TBC1D4: variants seen among roughly 807,000 people sequenced by gnomAD.
The protein encoded by TBC1D4 is TBC (Tre-2, BUB2, CDC16) domain-containing protein.
A neutral mutation model predicts 142.5 loss-of-function variants in TBC1D4; 121 were observed. That is an observed-to-expected ratio of 0.85 (90% CI 0.73 to 0.99). The LOEUF is 0.99. Ranked by LOEUF, TBC1D4 falls within the 50% of genes least tolerant of loss-of-function variation. TBC1D4 has a pLI of 0.00. For missense variants in TBC1D4, 1,475 were observed against 1,606.6 expected (o/e 0.92, Z 1.40); for synonymous variants, 630 against 628.2 (o/e 1.00, Z -0.04).
intron 1 of TBC1D4, among the ~76,000 whole-genome samples, chr13:75,413,622 G>A (rs886432816): frequency 5.9e-5 from 9 of 152,080 alleles, no homozygotes; most frequent in African/African-American, 2.2e-4. Flanking sequence ...GATAAACCTA[G>A]GACCACACCT....
rs1229210817 is a variant in TBC1D4 at position 75,481,348 on chromosome 13, G to A, written c.420C>T (p.Ala140=). The change falls in exon 1 of 21, where the codon GCC becomes GCT. Residue 140 remains alanine (A), a synonymous_variant. Coordinates refer to ENST00000377636, the MANE Select transcript of TBC1D4 (RefSeq NM_014832.5). ...CGTCGGGCTGCGCCTTGATCAGGTA[G>A]GCAAAGTAGGTGAGGTCGTGGCTGT... ...IHNSHDLTYF[A]YLIKAQPDDP... 4 of 1,613,838 alleles carry A rather than the reference G, an allele frequency of 2.5e-6. No homozygotes were observed. In the East Asian group the frequency reaches 8.9e-5, roughly 36 times the overall value.
At chr13:75,477,773 A>G (rs1888678850) in intron 1 of TBC1D4, among the ~76,000 whole-genome samples, 1 of 152,214 alleles carries the variant, frequency 6.6e-6, no homozygotes, top group Admixed American at 6.5e-5. Context: ...TGTTTCCCCA[A>G]TCAGTTTAAG....
intron 17 of TBC1D4, among the ~76,000 whole-genome samples, chr13:75,298,389 T>C (rs1876170117): frequency 1.3e-5 from 2 of 152,178 alleles, no homozygotes; most frequent in Admixed American, 1.3e-4. Context: ...TGAGGTAGGC[T>C]AAAGACAGCA....
chr13:75,319,481 G>A (rs1385512110), intron 12 of TBC1D4, among the ~76,000 whole-genome samples: 1 of 152,216 alleles, frequency 6.6e-6, no homozygotes, highest in East Asian at 1.9e-4. Flanking sequence ...AAGGAACTAG[G>A]TGTTTCCTGT....
intron 1 of TBC1D4, among the ~76,000 whole-genome samples, chr13:75,435,956 T>C (rs1886782521): frequency 6.6e-6 from 1 of 152,188 alleles, no homozygotes; most frequent in African/African-American, 2.4e-5. Context: ...AAGAAAGTTC[T>C]ATTTTATATA....
intron 8 of TBC1D4, among the ~76,000 whole-genome samples, chr13:75,329,112 C>T (rs981810001): frequency 2.0e-5 from 3 of 152,016 alleles, no homozygotes; most frequent in South Asian, 2.1e-4. Context: ...CCACCTCCCC[C>T]CAACCCCCAC....
chr13:75,429,317 A>G (rs1886503396), intron 1 of TBC1D4, among the ~76,000 whole-genome samples: 1 of 152,224 alleles, frequency 6.6e-6, no homozygotes, highest in Admixed American at 6.5e-5. Flanking sequence ...CCATCACTGA[A>G]AGTAAATATT....
At chr13:75,348,952 A>AGT (rs1226106722) in intron 5 of TBC1D4, among the ~76,000 whole-genome samples, 62 of 120,080 alleles carry the variant, frequency 5.2e-4, no homozygotes, top group Middle Eastern at 4.0e-3. Flanking sequence ...AGAGAGAGAG[A>AGT]GAGTGTGTGT....
intron 12 of TBC1D4, among the ~76,000 whole-genome samples, chr13:75,315,804 T>C (rs941308604): frequency 6.6e-6 from 1 of 152,206 alleles, no homozygotes; most frequent in African/African-American, 2.4e-5. Context: ...AAACCCTTTA[T>C]TGGGAGTCAA....
chr13:75,365,380 C>T (rs1349007897), intron 1 of TBC1D4, among the ~76,000 whole-genome samples: 1 of 150,242 alleles, frequency 6.7e-6, no homozygotes, highest in African/African-American at 2.5e-5. Context: ...AGTATAAACA[C>T]TAGCATTATA....
chr13:75,389,921 T>C (rs1319017828), intron 1 of TBC1D4, among the ~76,000 whole-genome samples: 1 of 152,110 alleles, frequency 6.6e-6, no homozygotes, highest in Non-Finnish European at 1.5e-5. Flanking sequence ...GTCTGGGCCC[T>C]ACAAGTAACA....
rs756718385 is a variant in TBC1D4 at position 75,284,879 on chromosome 13, C to A, written c.*1913G>T. On this transcript the variant is annotated 3_prime_UTR_variant, in exon 21 of 21. Transcript: ENST00000377636. ...AACTCTTAATGTTGATTCTAAACATCCAGGATAAAGTTTACTTTAAACTGA... is the reference window on the plus strand; with the variant it reads ...AACTCTTAATGTTGATTCTAAACATACAGGATAAAGTTTACTTTAAACTGA... 1 of 152,146 alleles carries A rather than the reference C, an allele frequency of 6.6e-6. No homozygotes were observed. Among genetic ancestry groups the A allele is most frequent in the Non-Finnish European group, 1.5e-5 (1 of 68,022 alleles). 9.4% of individuals were successfully genotyped at this position (152,146 alleles called of 1,614,324 possible). A position where few individuals can be genotyped will look rare whatever the true frequency, so the allele number is the denominator to read the frequency against.
At chr13:75,412,405 C>G (rs1055107983) in intron 1 of TBC1D4, among the ~76,000 whole-genome samples, 5 of 152,128 alleles carry the variant, frequency 3.3e-5, no homozygotes, top group Non-Finnish European at 7.3e-5. Context: ...ACCTCAGGTT[C>G]CTGAGTAGCT....
intron 1 of TBC1D4, among the ~76,000 whole-genome samples, chr13:75,418,346 G>A (rs1450916550): frequency 3.7e-4 from 56 of 152,180 alleles, no homozygotes; most frequent in Non-Finnish European, 4.4e-5. Flanking sequence ...CAGATGGAGG[G>A]ATAATTACTT....
chr13:75,321,664 G>C (rs1288478398), intron 11 of TBC1D4, among the ~76,000 whole-genome samples: 2 of 152,022 alleles, frequency 1.3e-5, no homozygotes, highest in Non-Finnish European at 2.9e-5. Flanking sequence ...TATTAAGAGA[G>C]CATTTTGTCC....
At chr13:75,374,869 A>G (rs1436427522) in intron 1 of TBC1D4, among the ~76,000 whole-genome samples, 1 of 152,218 alleles carries the variant, frequency 6.6e-6, no homozygotes, top group African/African-American at 2.4e-5. Flanking sequence ...CTGTTTTGTC[A>G]AAACAGCACC....
intron 1 of TBC1D4, among the ~76,000 whole-genome samples, chr13:75,447,446 G>T (rs568765638): frequency 1.3e-5 from 2 of 151,798 alleles, no homozygotes; most frequent in Middle Eastern, 3.4e-3. Flanking sequence ...GATACTGAAG[G>T]CTGCGATGCT....
chr13:75,351,282 A>C (rs1247268228), intron 4 of TBC1D4, among the ~76,000 whole-genome samples: 1 of 152,198 alleles, frequency 6.6e-6, no homozygotes, highest in Non-Finnish European at 1.5e-5. Context: ...GAATCACAGG[A>C]TGTGAAGGAC....
Position 75,472,031 on chromosome 13 carries a change from C to T in TBC1D4, c.498+9239G>A, listed in dbSNP as rs543803894. ...CTGAGGCAGGAGAATCACTTGAACCCAGTAGGTGGAGGTTGCAGTGAGCAA... is the reference window on the plus strand; with the variant it reads ...CTGAGGCAGGAGAATCACTTGAACCTAGTAGGTGGAGGTTGCAGTGAGCAA... On this transcript the variant is annotated intron_variant, in intron 1 of 20. Coordinates refer to ENST00000377636, the MANE Select transcript of TBC1D4 (RefSeq NM_014832.5). 8.7e-4 allele frequency among the ~76,000 whole-genome samples: 126 copies of T among 145,468 alleles called. 1 individual carries two copies. Among genetic ancestry groups the T allele is most frequent in the African/African-American group, 2.7e-3 (105 of 39,062 alleles).
Sources: allele counts gnomAD v4.1 joint callset (sites outside exome capture counted in the v4.1 genomes callset), GRCh38; gene constraint gnomAD v4.1.1; transcripts MANE v1.5; gene names NCBI Gene and HGNC (gene_info 2026-07-23, HGNC 2026-07-21).